The following FRYL variants were observed in gnomAD, a reference collection of about 807,000 sequenced individuals.
The protein encoded by FRYL is FRY like transcription coactivator, also known as protein furry homolog-like.
In FRYL, 150 loss-of-function variants were observed where a neutral mutation model predicts 351.2. The ratio of observed to expected loss-of-function variants is 0.43; its 90% CI spans 0.37 to 0.49. FRYL has a LOEUF of 0.49. Among genes scored for constraint, FRYL ranks in the 20% least tolerant of loss-of-function variants. FRYL has a pLI of 0.00. For synonymous variants in FRYL, 1,153 were observed against 1,257.1 expected (o/e 0.92, Z 1.75); for missense variants, 3,036 against 3,619.3 (o/e 0.84, Z 4.13).
intron 56 of FRYL, 67 bp from the exon 57 acceptor site, chr4:48,512,755 A>T: frequency 9.0e-7 from 1 of 1,114,592 alleles, no homozygotes; most frequent in South Asian, 1.3e-5. Flanking sequence ...TCAATCACGT[A>T]AGACAGCTTA....
intron 25 of FRYL, among the ~76,000 whole-genome samples, chr4:48,573,688 T>C (rs1004214177): frequency 3.3e-5 from 5 of 152,112 alleles, no homozygotes; most frequent in Admixed American, 2.6e-4. Flanking sequence ...TAGCTGGGAT[T>C]ACAGGCATGC....
chr4:48,657,054 C>CTAA (rs1759370895), intron 3 of FRYL, among the ~76,000 whole-genome samples: 1 of 152,124 alleles, frequency 6.6e-6, no homozygotes, highest in Non-Finnish European at 1.5e-5. Context: ...TTTTATCATC[C>CTAA]AGTTTAGCAA....
chr4:48,653,423 G>A (rs976740323), intron 3 of FRYL, among the ~76,000 whole-genome samples: 24 of 151,034 alleles, frequency 1.6e-4, no homozygotes, highest in African/African-American at 5.4e-4. Context: ...CCCACACCCC[G>A]CCCCCCATTT....
At chr4:48,725,103 G>C (rs571710510) in intron 1 of FRYL, among the ~76,000 whole-genome samples, 1 of 152,282 alleles carries the variant, frequency 6.6e-6, no homozygotes, top group East Asian at 1.9e-4. Flanking sequence ...TCAGAAATTA[G>C]AAAGGGGTCT....
intron 1 of FRYL, among the ~76,000 whole-genome samples, chr4:48,754,829 A>T (rs573388935): frequency 6.6e-6 from 1 of 152,104 alleles, no homozygotes; most frequent in African/African-American, 2.4e-5. Flanking sequence ...TTTAGTAGAG[A>T]TGGGGTTTCA....
intron 3 of FRYL, among the ~76,000 whole-genome samples, chr4:48,654,993 C>T (rs1057354558): frequency 6.6e-6 from 1 of 152,072 alleles, no homozygotes; most frequent in Admixed American, 6.6e-5. Flanking sequence ...TGGCATTGTA[C>T]CCTTTAAGTA....
intron 1 of FRYL, among the ~76,000 whole-genome samples, chr4:48,770,550 G>A (rs1267586390): frequency 6.6e-6 from 1 of 151,990 alleles, no homozygotes; most frequent in Non-Finnish European, 1.5e-5. Flanking sequence ...TGATTCTCCT[G>A]CCTCAGCCTC....
At chr4:48,568,724 T>C (rs1413964146) in intron 27 of FRYL, among the ~76,000 whole-genome samples, 2 of 152,214 alleles carry the variant, frequency 1.3e-5, no homozygotes, top group Non-Finnish European at 2.9e-5. Context: ...ATGACCTTTA[T>C]TCCTTAAATA....
chr4:48,500,005 AC>A (rs769494934), intron 63 of FRYL, 24 bp downstream of exon 63: 2 of 1,454,740 alleles, frequency 1.4e-6, no homozygotes, highest in Admixed American at 4.6e-5. Context: ...TAAAGGCATC[AC>A]CTTTAAATCC....
intron 50 of FRYL, among the ~76,000 whole-genome samples, chr4:48,530,764 C>T (rs1387494139): frequency 1.3e-5 from 2 of 152,152 alleles, no homozygotes; most frequent in Non-Finnish European, 2.9e-5. Flanking sequence ...CCATAGATGC[C>T]TGTCTAGAAT....
At position 48,579,961 on chromosome 4, in the gene FRYL, A is replaced by T. The variant is rs556831251; in HGVS notation, c.2260-720T>A. ...CATTATACAATATAGACATGTATGG[A>T]AACATCAAATTGCACCGCATAAATA... On this transcript the variant is annotated intron_variant, in intron 22 of 63. Coordinates refer to ENST00000358350, the MANE Select transcript of FRYL (RefSeq NM_015030.2). Among the ~76,000 whole-genome samples the T allele has an allele frequency of 4.3e-4, 66 of 152,270 alleles. 1 individual carries two copies. The highest frequency in any genetic ancestry group is 3.4e-3 in the Middle Eastern group (1 of 294).
chr4:48,579,088 G>T lies in FRYL; in HGVS notation c.2413C>A (p.Leu805Ile). Residue 805 changes from leucine to isoleucine, a missense_variant, in exon 23 of 64, where the codon CTC (leucine) becomes ATC (isoleucine). Physicochemically the swap from Leu to Ile is conservative, Grantham distance 5. Around this residue, in one of 7 missense-constraint regions of FRYL, gnomAD observed 492 missense variants for 551.5 expected, o/e 0.89. Transcript: ENST00000358350. ...TTTTCTTGCTTTAAAAAACTGGAGA[G>T]ACTTATAATCCATGGGTCTTGGCCT... Reference protein sequence around the residue: ...TQGQDPWIISLSSFLKQENLP... With the variant: ...TQGQDPWIISISSFLKQENLP... 6.2e-7 allele frequency: 1 copy of T among 1,614,014 alleles called. No homozygotes were observed. The highest frequency in any genetic ancestry group is 8.5e-7 in the Non-Finnish European group (1 of 1,179,942).
chr4:48,701,329 C>G (rs773796971), intron 2 of FRYL, among the ~76,000 whole-genome samples: 2 of 152,032 alleles, frequency 1.3e-5, no homozygotes, highest in Admixed American at 6.6e-5. Context: ...CTGTAAAAAC[C>G]CCATTTCCAA....
At chr4:48,580,070 G>GGA (rs1553937192) in intron 22 of FRYL, among the ~76,000 whole-genome samples, 2 of 151,172 alleles carry the variant, frequency 1.3e-5, no homozygotes, top group Non-Finnish European at 3.0e-5. Context: ...CATCATGGCG[G>GGA]GGGGGAATTG....
Position 48,605,746 on chromosome 4 carries a change from C to T in FRYL, c.829G>A (p.Ala277Thr). Residue 277 changes from alanine to threonine, a missense_variant, in exon 11 of 64, where the codon GCT (alanine) becomes ACT (threonine). Around this residue, in one of 7 missense-constraint regions of FRYL, gnomAD observed 457 missense variants for 566.6 expected, o/e 0.81. Coordinates refer to ENST00000358350, the MANE Select transcript of FRYL (RefSeq NM_015030.2). The part of the protein sequence containing the change: ...GLFVEILIPV[A>T]AAVKNEVNVP... Reference sequence around the variant, plus strand: ...AAAATAAGAAAAATACTTACAGCAGCTACAGGGATAAGAATCTCCACAAAT... The same window carrying T: ...AAAATAAGAAAAATACTTACAGCAGTTACAGGGATAAGAATCTCCACAAAT... 1 of 1,587,506 alleles carries T rather than the reference C, an allele frequency of 6.3e-7. No individual in the cohort carries two copies. The highest frequency in any genetic ancestry group is 1.3e-5 in the African/African-American group (1 of 74,330).
At chr4:48,680,017 A>G (rs1030721115) in intron 3 of FRYL, among the ~76,000 whole-genome samples, 1 of 152,072 alleles carries the variant, frequency 6.6e-6, no homozygotes, top group Non-Finnish European at 1.5e-5. Context: ...ATGAGACAGG[A>G]AGATGTCTAT....
At chr4:48,711,459 T>G (rs1490381457) in intron 1 of FRYL, among the ~76,000 whole-genome samples, 4 of 152,264 alleles carry the variant, frequency 2.6e-5, no homozygotes. Flanking sequence ...GTCTCACTGA[T>G]TGCTAGCACA....
chr4:48,748,272 A>G (rs1469417424), intron 1 of FRYL, among the ~76,000 whole-genome samples: 3 of 152,084 alleles, frequency 2.0e-5, no homozygotes, highest in Non-Finnish European at 2.9e-5. Context: ...AATAAAAATT[A>G]TATATATGCA....
rs769575523 is a variant in FRYL, at chr4:48,590,715, C to T, written c.1451G>A (p.Arg484His). The change falls in exon 17 of 64, where the codon CGT becomes CAT. Residue 484 changes from arginine to histidine, a missense_variant. Physicochemically the swap from Arg to His is conservative, Grantham distance 29. This residue lies in a region of FRYL where 3 missense variants were observed against 23.3 expected (regional missense o/e 0.13). Transcript: ENST00000358350. Reference protein sequence around the residue: ...GVILPSGNTLRVKKIFLNKTL... With the variant: ...GVILPSGNTLHVKKIFLNKTL... ...TTTATTGAGAAATATTTTCTTTACA[C>T]GAAGAGTATTTCCTGAGGGAAGAAT... 1.2e-6 allele frequency: 2 copies of T among 1,612,674 alleles called. No homozygotes were observed. The highest frequency in any genetic ancestry group is 8.5e-7 in the Non-Finnish European group (1 of 1,178,970).
Sources: gnomAD v4.1 joint callset for allele counts (sites outside exome capture counted in the v4.1 genomes callset) on GRCh38, gnomAD v4.1.1 for gene constraint, gnomAD v4.1.1 regional missense constraint, MANE v1.5 for transcripts, NCBI Gene and HGNC (gene_info 2026-07-23, HGNC 2026-07-21) for gene names.